DPYD: variants seen among roughly 807,000 people sequenced by gnomAD.
DPYD encodes dihydropyrimidine dehydrogenase, also known as dihydropyrimidine dehydrogenase [NADP(+)].
A neutral mutation model predicts 116.2 loss-of-function variants in DPYD; 109 were observed. The observed-to-expected ratio is 0.94, with a 90% CI of 0.80 to 1.10. DPYD has a LOEUF of 1.10. Ranked by LOEUF, DPYD falls within the 50% of genes least tolerant of loss-of-function variation. The probability of loss-of-function intolerance (pLI) is 0.00; values close to 1 mark genes in which losing one functional copy is unlikely to be tolerated. For missense variants in DPYD, 1,302 were observed against 1,254.5 expected (o/e 1.04, Z -0.57); for synonymous variants, 440 against 432.0 (o/e 1.02, Z -0.23).
chr1:97,316,513 C>CAATAAGATAAAATAAAATAAAATAA, intron 16 of DPYD, among the ~76,000 whole-genome samples: 1 of 124,332 alleles, frequency 8.0e-6, no homozygotes, highest in Middle Eastern at 4.0e-3. Flanking sequence ...GACTCTGTCT[C>CAATAAGATAAAATAAAATAAAATAA]AATAAAATAA....
intron 12 of DPYD, among the ~76,000 whole-genome samples, chr1:97,525,691 T>G (rs1276148104): frequency 6.6e-6 from 1 of 151,580 alleles, no homozygotes; most frequent in Non-Finnish European, 1.5e-5. Context: ...TCTGGAAGAT[T>G]GCTGATTTTA....
At chr1:97,217,572 C>T (rs1660494516) in intron 19 of DPYD, among the ~76,000 whole-genome samples, 1 of 151,228 alleles carries the variant, frequency 6.6e-6, no homozygotes, top group Non-Finnish European at 1.5e-5. Flanking sequence ...TAAATACCAT[C>T]AAAATAAATG....
intron 20 of DPYD, among the ~76,000 whole-genome samples, chr1:97,171,645 C>A (rs546006994): frequency 1.3e-5 from 2 of 152,260 alleles, no homozygotes; most frequent in African/African-American, 4.8e-5. Context: ...TCATACCTTA[C>A]ATAAATCATT....
intron 8 of DPYD, among the ~76,000 whole-genome samples, chr1:97,605,162 A>T (rs1030164947): frequency 6.6e-6 from 1 of 152,150 alleles, no homozygotes; most frequent in South Asian, 2.1e-4. Context: ...CTGTTTATAA[A>T]AGAAGTTGTA....
At chr1:97,096,251 T>C (rs995755482) in intron 21 of DPYD, among the ~76,000 whole-genome samples, 5 of 152,190 alleles carry the variant, frequency 3.3e-5, no homozygotes, top group Non-Finnish European at 7.3e-5. Flanking sequence ...TTTTGTTTGC[T>C]CTGTTTTGTT....
chr1:97,316,736 C>T (rs1179486918), intron 16 of DPYD, among the ~76,000 whole-genome samples: 2 of 151,556 alleles, frequency 1.3e-5, no homozygotes, highest in Non-Finnish European at 2.9e-5. Context: ...TAGACTTTAT[C>T]CATTGTTCAC....
At chr1:97,554,589 G>A (rs1317237232) in intron 11 of DPYD, among the ~76,000 whole-genome samples, 2 of 152,026 alleles carry the variant, frequency 1.3e-5, no homozygotes, top group Non-Finnish European at 2.9e-5. Context: ...GTAATTCAGC[G>A]CTGAAAGCAA....
At chr1:97,095,073 G>A in intron 21 of DPYD, among the ~76,000 whole-genome samples, 1 of 152,122 alleles carries the variant, frequency 6.6e-6, no homozygotes, top group East Asian at 1.9e-4. Context: ...TTTTAAGTTT[G>A]GTATTAATTA....
At chr1:97,266,791 G>C (rs1201475253) in intron 18 of DPYD, among the ~76,000 whole-genome samples, 3 of 151,852 alleles carry the variant, frequency 2.0e-5, no homozygotes, top group African/African-American at 7.3e-5. Flanking sequence ...TTGGTTTTTT[G>C]GCCTTGTGAT....
chr1:97,203,157 A>T (rs994261280), intron 19 of DPYD, among the ~76,000 whole-genome samples: 4 of 152,072 alleles, frequency 2.6e-5, no homozygotes, highest in Non-Finnish European at 4.4e-5. Flanking sequence ...TGCATCAGTT[A>T]CCACAGCAAT....
intron 7 of DPYD, among the ~76,000 whole-genome samples, chr1:97,682,669 T>C (rs1430079029): frequency 6.6e-6 from 1 of 152,150 alleles, no homozygotes; most frequent in African/African-American, 2.4e-5. Context: ...GAAATCTCAA[T>C]GTTATTTGTT....
chr1:97,125,326 T>G lies in DPYD; in HGVS notation c.2623-26694A>C, dbSNP rs1289321733. On this transcript the variant is annotated intron_variant, in intron 20 of 22. Coordinates refer to ENST00000370192, the MANE Select transcript of DPYD (RefSeq NM_000110.4). ...TATCTTGATCACATGAGATCGTTTT[T>G]CTCAACAAAAAAACAGAAAAAGTAT... 3.3e-5 allele frequency among the ~76,000 whole-genome samples: 5 copies of G among 152,098 alleles called. No individual in the cohort carries two copies. In the South Asian group the frequency reaches 1.0e-3, roughly 32 times the overall value.
intron 13 of DPYD, among the ~76,000 whole-genome samples, chr1:97,480,965 G>A (rs1466382256): frequency 2.0e-5 from 3 of 151,872 alleles, no homozygotes; most frequent in Non-Finnish European, 4.4e-5. Flanking sequence ...GGGGCGACAA[G>A]AGTAAAACTC....
chr1:97,261,923 T>C (rs1663913097), intron 18 of DPYD, among the ~76,000 whole-genome samples: 1 of 151,936 alleles, frequency 6.6e-6, no homozygotes, highest in Admixed American at 6.6e-5. Flanking sequence ...TTCTTGAAAA[T>C]ATCATAATTA....
intron 18 of DPYD, among the ~76,000 whole-genome samples, chr1:97,300,435 A>G (rs1203172987): frequency 6.6e-6 from 1 of 152,128 alleles, no homozygotes; most frequent in African/African-American, 2.4e-5. Context: ...TAATCATGTG[A>G]TTGACACATA....
At chr1:97,184,775 GTATT>G (rs1657883035) in intron 20 of DPYD, among the ~76,000 whole-genome samples, 1 of 152,004 alleles carries the variant, frequency 6.6e-6, no homozygotes, top group Non-Finnish European at 1.5e-5. Context: ...TTTTAATAGT[GTATT>G]TATAGGTTCT....
At chr1:97,453,875 A>T (rs535240053) in intron 13 of DPYD, among the ~76,000 whole-genome samples, 23 of 152,196 alleles carry the variant, frequency 1.5e-4, no homozygotes, top group African/African-American at 4.3e-4. Context: ...AGGAAAATTT[A>T]TTTGCTTTAT....
intron 18 of DPYD, among the ~76,000 whole-genome samples, chr1:97,271,926 T>C (rs933616641): frequency 6.6e-6 from 1 of 152,208 alleles, no homozygotes; most frequent in Admixed American, 6.5e-5. Flanking sequence ...TATATCACAG[T>C]GTTCCTTTTT....
chr1:97,079,323 G>T (rs1229057943), intron 22 of DPYD, among the ~76,000 whole-genome samples, 177 bp from the exon 23 acceptor site: 3 of 152,136 alleles, frequency 2.0e-5, no homozygotes, highest in Non-Finnish European at 2.9e-5. Flanking sequence ...AAAAGAGCGA[G>T]AAAAGAAATC....
Sources: gnomAD v4.1 joint callset for allele counts (sites outside exome capture counted in the v4.1 genomes callset) on GRCh38, gnomAD v4.1.1 for gene constraint, MANE v1.5 for transcripts, NCBI Gene and HGNC (gene_info 2026-07-23, HGNC 2026-07-21) for gene names.